The following PPAT variants were observed in gnomAD, a reference collection of about 807,000 sequenced individuals.
PPAT encodes phosphoribosyl pyrophosphate amidotransferase.
A neutral mutation model predicts 60.2 loss-of-function variants in PPAT; 20 were observed. The ratio of observed to expected loss-of-function variants is 0.33; its 90% CI spans 0.23 to 0.48. The LOEUF (loss-of-function observed/expected upper bound fraction) is 0.48. Ranked by LOEUF, PPAT falls within the 20% of genes least tolerant of loss-of-function variation. PPAT has a pLI of 0.99. For missense variants in PPAT, 349 were observed against 629.6 expected (o/e 0.55, Z 4.77); for synonymous variants, 194 against 215.1 (o/e 0.90, Z 0.86).
intron 1 of PPAT, chr4:56,419,663 A>C: frequency 1.0e-6 from 1 of 983,990 alleles, no homozygotes; most frequent in Non-Finnish European, 1.2e-6. Flanking sequence ...CTTTTATCCC[A>C]ACTGTAGCAA....
chr4:56,428,731 T>TAA (rs141898772), intron 1 of PPAT, among the ~76,000 whole-genome samples: 1 of 152,192 alleles, frequency 6.6e-6, no homozygotes, highest in African/African-American at 2.4e-5. Flanking sequence ...AAATGACCCT[T>TAA]AAAAATCATT....
Position 56,428,565 on chromosome 4 carries a change from G to A in PPAT, c.128+6785C>T, listed in dbSNP as rs28558611. Among the ~76,000 whole-genome samples the A allele has an allele frequency of 6.9e-3, 1,051 of 152,152 alleles. 14 individuals carry two copies. The highest frequency in any genetic ancestry group is 0.024 in the African/African-American group (993 of 41,520). Reference sequence around the variant, plus strand: ...ATGAGATTTTATGAAGAAGTTGACTGCATCCTAAGAAAACCAACTCTCAGA... The same window carrying A: ...ATGAGATTTTATGAAGAAGTTGACTACATCCTAAGAAAACCAACTCTCAGA... On this transcript the variant is annotated intron_variant, in intron 1 of 10. Coordinates refer to ENST00000264220, the MANE Select transcript of PPAT (RefSeq NM_002703.5).
chr4:56,420,372 A>G (rs995344248), intron 1 of PPAT: 8 of 152,252 alleles, frequency 5.3e-5, no homozygotes, highest in African/African-American at 1.4e-4. Context: ...TTGGTGCTCA[A>G]AAAGTTTCAA....
Position 56,406,552 on chromosome 4 carries a change from C to T in PPAT, c.345G>A (p.Gly115=), listed in dbSNP as rs778274879. The part of the protein sequence containing the change: ...CQPFVVETLH[G]KIAVAHNGEL... Reference sequence around the variant, plus strand: ...CGCCATTATGTGCCACAGCTATCTTCCCATGAAGTGTTTCAACAACGAAGG... The same window carrying T: ...CGCCATTATGTGCCACAGCTATCTTTCCATGAAGTGTTTCAACAACGAAGG... Residue 115 remains glycine, a synonymous_variant, in exon 3 of 11, where the codon GGG becomes GGA. Coordinates refer to ENST00000264220, the MANE Select transcript of PPAT (RefSeq NM_002703.5). 5 of 1,613,288 alleles carry T rather than the reference C, an allele frequency of 3.1e-6. No homozygotes were observed. The highest frequency in any genetic ancestry group is 4.2e-6 in the Non-Finnish European group (5 of 1,179,980).
intron 2 of PPAT, 82 bp from the exon 3 acceptor site, chr4:56,406,783 A>G: frequency 1.0e-6 from 1 of 964,360 alleles, no homozygotes; most frequent in Middle Eastern, 2.3e-4. Context: ...TGCCCAGCCA[A>G]TCCAAATAAG....
At chr4:56,408,724 G>C (rs1371484903) in intron 1 of PPAT, among the ~76,000 whole-genome samples, 3 of 145,898 alleles carry the variant, frequency 2.1e-5, no homozygotes, top group Non-Finnish European at 4.5e-5. Flanking sequence ...ACTGCACTCC[G>C]GCCTGGGCGA....
At position 56,403,053 on chromosome 4, in the gene PPAT, A is replaced by C; in HGVS notation, c.648T>G (p.Asp216Glu). The change falls in exon 5 of 11, where the codon GAT becomes GAG. Residue 216 changes from aspartate to glutamate, a missense_variant. Transcript: ENST00000264220. ...LCIGRLIPVS[D>E]INDKEKKTSE... ...AAAGTTTATTACCTTTGTCATTTAT[A>C]TCAGACACTGGAATAAGACGACCAA... is the stretch of plus-strand genomic sequence containing the variant. The C allele has an allele frequency of 6.2e-7, 1 of 1,607,236 alleles. No individual in the cohort carries two copies.
At chr4:56,401,592 T>C (rs1716113759) in intron 6 of PPAT, 111 bp from the exon 7 acceptor site, 2 of 960,826 alleles carry the variant, frequency 2.1e-6, no homozygotes, top group Non-Finnish European at 3.1e-6. Context: ...AAACAATTGA[T>C]TCATTCAATA....
At chr4:56,421,246 T>A (rs1717023880) in intron 1 of PPAT, 1 of 155,960 alleles carries the variant, frequency 6.4e-6, no homozygotes, top group Admixed American at 6.5e-5. Flanking sequence ...TGTCATTGTC[T>A]CCCATCACTC....
chr4:56,410,615 CTAAGAAATAAAGGAA>C (rs1446818691), intron 1 of PPAT: 1 of 985,634 alleles, frequency 1.0e-6, no homozygotes, highest in Non-Finnish European at 1.2e-6. Context: ...TTATGGAACA[CTAAGAAATAAAGGAA>C]TATTTATTTA....
rs752091900 is a variant in PPAT at position 56,400,950 on chromosome 4, A to T, written c.887-39T>A. ...AAAAGGAGAGAGAGTATTTTTACTT[A>T]GCATGATATAACAGTGTTATTCTAA... On this transcript the variant is annotated intron_variant, in intron 7 of 10. Coordinates refer to ENST00000264220, the MANE Select transcript of PPAT (RefSeq NM_002703.5). 1.9e-5 allele frequency: 30 copies of T among 1,571,970 alleles called. No individual in the cohort carries two copies. The African/African-American group carries it at 3.7e-4, about 19-fold the overall frequency.
intron 1 of PPAT, chr4:56,422,999 T>A (rs1396060659): frequency 6.6e-6 from 1 of 152,164 alleles, no homozygotes; most frequent in African/African-American, 2.4e-5. Context: ...TGAGAATCAT[T>A]ACCCTCTGGT....
intron 1 of PPAT, chr4:56,429,006 G>GCT (rs1717436394): frequency 1.0e-6 from 1 of 961,588 alleles, no homozygotes; most frequent in Non-Finnish European, 1.2e-6. Context: ...CATGAAGATG[G>GCT]TAAGAGCCAG....
At chr4:56,427,129 C>T (rs1045110196) in intron 1 of PPAT, among the ~76,000 whole-genome samples, 4 of 152,164 alleles carry the variant, frequency 2.6e-5, no homozygotes, top group African/African-American at 7.2e-5. Context: ...ATTCATCCAT[C>T]GATGGTTATC....
At chr4:56,430,141 A>G (rs1310922738) in intron 1 of PPAT, among the ~76,000 whole-genome samples, 1 of 152,106 alleles carries the variant, frequency 6.6e-6, no homozygotes, top group Non-Finnish European at 1.5e-5. Context: ...ACTTTTTAAA[A>G]TCTATTTCAC....
intron 1 of PPAT, among the ~76,000 whole-genome samples, chr4:56,432,641 C>T (rs1312382898): frequency 2.1e-4 from 32 of 149,822 alleles, no homozygotes; most frequent in African/African-American, 7.9e-4. Context: ...AAAAATTAGC[C>T]GGGCGTGGTG....
intron 1 of PPAT, among the ~76,000 whole-genome samples, chr4:56,411,088 A>C (rs1716441831): frequency 6.6e-6 from 1 of 152,130 alleles, no homozygotes; most frequent in South Asian, 2.1e-4. Context: ...TTTTTTAAAA[A>C]GAGGTTAAAT....
intron 1 of PPAT, among the ~76,000 whole-genome samples, chr4:56,417,835 G>GTTTTTTTTTTTTTTTTTTT (rs1207160039): frequency 6.1e-4 from 63 of 102,536 alleles, no homozygotes; most frequent in African/African-American, 2.2e-3. Flanking sequence ...TGAAGATTTG[G>GTTTTTTTTTTTTTTTTTTT]TTTTTTGTTT....
At chr4:56,425,754 A>T (rs113811487) in intron 1 of PPAT, among the ~76,000 whole-genome samples, 1,745 of 152,290 alleles carry the variant, frequency 0.011, 33 homozygotes, top group African/African-American at 0.04. Flanking sequence ...GCTTTGTGCC[A>T]GTGTGACCTC....
Sources: allele counts gnomAD v4.1 joint callset (sites outside exome capture counted in the v4.1 genomes callset), GRCh38; gene constraint gnomAD v4.1.1; transcripts MANE v1.5; gene names NCBI Gene and HGNC (gene_info 2026-07-23, HGNC 2026-07-21).